ERMP1: variants seen among roughly 807,000 people sequenced by gnomAD.
The protein encoded by ERMP1 is endoplasmic reticulum metallopeptidase 1, also known as Felix-ina.
A neutral mutation model predicts 92.0 loss-of-function variants in ERMP1; 86 were observed. That is an observed-to-expected ratio of 0.93 (90% CI 0.79 to 1.12). ERMP1 has a LOEUF of 1.12. Among genes scored for constraint, ERMP1 ranks in the 50% most tolerant of loss-of-function variants. The pLI is 0.00. For synonymous variants in ERMP1, 530 were observed against 412.8 expected (o/e 1.28, Z -3.44); for missense variants, 1,342 against 1,116.3 (o/e 1.20, Z -2.88).
At chr9:5,853,868 G>C (rs1830339857) in intron 6 of ERMP1, among the ~76,000 whole-genome samples, 2 of 151,096 alleles carry the variant, frequency 1.3e-5, no homozygotes, top group Admixed American at 1.3e-4. Context: ...GAGACACCCT[G>C]AGTAGCACTG....
chr9:5,795,138 G>C (rs1467131763), intron 13 of ERMP1, among the ~76,000 whole-genome samples: 1 of 152,068 alleles, frequency 6.6e-6, no homozygotes, highest in Non-Finnish European at 1.5e-5. Flanking sequence ...GGCTAAGAAA[G>C]AAAAATCACA....
intron 6 of ERMP1, among the ~76,000 whole-genome samples, chr9:5,842,129 A>G (rs1379296330): frequency 2.0e-5 from 3 of 152,178 alleles, no homozygotes; most frequent in African/African-American, 4.8e-5. Context: ...AAGCCTCCAC[A>G]CAGTGCAAGG....
intron 4 of ERMP1, among the ~76,000 whole-genome samples, chr9:5,820,760 C>A (rs1410852308): frequency 6.6e-6 from 1 of 152,172 alleles, no homozygotes; most frequent in Non-Finnish European, 1.5e-5. Flanking sequence ...CTGAGGACAG[C>A]ACAATCTGGC....
intron 8 of ERMP1, among the ~76,000 whole-genome samples, chr9:5,807,925 A>T (rs1828930274): frequency 6.6e-6 from 1 of 152,070 alleles, no homozygotes; most frequent in Non-Finnish European, 1.5e-5. Flanking sequence ...CCCAAACGAA[A>T]CTGAGAGCTC....
chr9:5,837,782 A>C (rs1001748773), upstream of ERMP1, among the ~76,000 whole-genome samples: 2 of 152,212 alleles, frequency 1.3e-5, no homozygotes, highest in African/African-American at 4.8e-5. Flanking sequence ...ATGCATGTGA[A>C]AATGTGGACC....
intron 5 of ERMP1, 199 bp downstream of exon 5, chr9:5,812,690 A>G (rs1829141932): frequency 1.6e-6 from 1 of 626,120 alleles, no homozygotes; most frequent in African/African-American, 1.8e-5. Flanking sequence ...GAAAGATGAC[A>G]TATTTTAGAG....
rs1827931865 is a variant in ERMP1 at position 5,786,262 on chromosome 9, C to T, written c.*882G>A. 1 of 152,258 alleles carries T rather than the reference C, an allele frequency of 6.6e-6. No individual in the cohort carries two copies. The highest frequency in any genetic ancestry group is 1.5e-5 in the Non-Finnish European group (1 of 68,092). 9.4% of individuals were successfully genotyped at this position (152,258 alleles called of 1,614,324 possible). The stretch of plus-strand genomic sequence containing the variant: ...ATAAATATTTATAAAATTCCCACCA[C>T]TCCCAGCCTTCCTTCTACCCCAGAA... On this transcript the variant is annotated 3_prime_UTR_variant, in exon 15 of 15. Coordinates refer to ENST00000339450, the MANE Select transcript of ERMP1 (RefSeq NM_024896.3).
Position 5,830,893 on chromosome 9 carries a change from T to C in ERMP1, c.474A>G (p.Ser158=). The change falls in exon 2 of 15, where the codon TCA becomes TCG. Residue 158 remains serine, a synonymous_variant. Transcript: ENST00000339450. ...EVQSNSLHKI[S]VDVQRPTGSF... ...AGCCTGTGGGCCGTTGTACATCTAC[T>C]GAAATCTTATGAAGGCTGTTGCTTT... is the stretch of plus-strand genomic sequence containing the variant. 1 of 1,614,180 alleles carries C rather than the reference T, an allele frequency of 6.2e-7. No homozygotes were observed. Among genetic ancestry groups the C allele is most frequent in the Non-Finnish European group, 8.5e-7 (1 of 1,180,012 alleles).
chr9:5,812,329 G>A (rs1384050119), intron 5 of ERMP1, 112 bp from the exon 6 acceptor site: 10 of 613,406 alleles, frequency 1.6e-5, no homozygotes, highest in Non-Finnish European at 2.5e-5. Context: ...GCAGTGGCAC[G>A]ATTGCTTTGT....
intron 6 of ERMP1, among the ~76,000 whole-genome samples, chr9:5,839,458 G>A (rs1249698803): frequency 6.6e-6 from 1 of 152,202 alleles, no homozygotes; most frequent in Non-Finnish European, 1.5e-5. Context: ...TGGCAGGTGA[G>A]TTAGGACACA....
chr9:5,786,850 G>A lies in ERMP1; in HGVS notation c.*294C>T, dbSNP rs1028702. The A allele has an allele frequency of 0.28, 60,572 of 213,428 alleles. 9,705 individuals are homozygous for A. Among genetic ancestry groups the A allele is most frequent in the East Asian group, 0.52 (4,814 of 9,214 alleles). 13.2% of individuals were successfully genotyped at this position (213,428 alleles called of 1,614,324 possible). A position where few individuals can be genotyped will look rare whatever the true frequency, so the allele number is the denominator to read the frequency against. On this transcript the variant is annotated 3_prime_UTR_variant, in exon 15 of 15. Coordinates refer to ENST00000339450, the MANE Select transcript of ERMP1 (RefSeq NM_024896.3). ...ATCCTAAAGGGGCAGCTATTGAAGTGGATTGTTGGCTTTGTCCTTAAGGTC... is the reference window on the plus strand; with the variant it reads ...ATCCTAAAGGGGCAGCTATTGAAGTAGATTGTTGGCTTTGTCCTTAAGGTC...
intron 8 of ERMP1, among the ~76,000 whole-genome samples, chr9:5,808,613 T>G (rs544072435): frequency 1.3e-5 from 2 of 152,346 alleles, no homozygotes; most frequent in Non-Finnish European, 2.9e-5. Context: ...CAGGATAAAT[T>G]GAAAACAGTA....
chr9:5,830,286 G>C (rs1829889502), intron 2 of ERMP1, among the ~76,000 whole-genome samples: 1 of 152,144 alleles, frequency 6.6e-6, no homozygotes, highest in African/African-American at 2.4e-5. Flanking sequence ...GCAGCCAAAA[G>C]ATTGGACACC....
At chr9:5,815,742 T>G (rs535054489) in intron 4 of ERMP1, among the ~76,000 whole-genome samples, 10 of 151,962 alleles carry the variant, frequency 6.6e-5, no homozygotes, top group African/African-American at 2.2e-4. Context: ...AAGAAAGAAA[T>G]AGTAGAAAAA....
chr9:5,845,071 A>C (rs577051297), intron 6 of ERMP1, among the ~76,000 whole-genome samples: 16 of 151,338 alleles, frequency 1.1e-4, no homozygotes, highest in Admixed American at 3.9e-4. Flanking sequence ...TTTGAAACTT[A>C]AACTTGCATT....
chr9:5,849,170 G>T (rs528602892), intron 6 of ERMP1, among the ~76,000 whole-genome samples: 1 of 152,258 alleles, frequency 6.6e-6, no homozygotes, highest in South Asian at 2.1e-4. Flanking sequence ...CTATAGGCAT[G>T]TGCCACCACA....
At chr9:5,794,134 A>T (rs1004578283) in intron 13 of ERMP1, among the ~76,000 whole-genome samples, 2 of 152,154 alleles carry the variant, frequency 1.3e-5, no homozygotes, top group Non-Finnish European at 2.9e-5. Flanking sequence ...CAATTATCAG[A>T]AAAATAGCTG....
intron 2 of ERMP1, among the ~76,000 whole-genome samples, chr9:5,825,991 G>A (rs1296147182): frequency 3.3e-5 from 5 of 152,150 alleles, no homozygotes; most frequent in Non-Finnish European, 7.3e-5. Flanking sequence ...ATTACTGTTA[G>A]GTTTTTTTAG....
At chr9:5,834,743 G>GTGTGTGTA (rs969028907), upstream of ERMP1, among the ~76,000 whole-genome samples, 9 of 147,210 alleles carry the variant, frequency 6.1e-5, no homozygotes, top group African/African-American at 7.8e-5. Context: ...GTGTGTGTGT[G>GTGTGTGTA]TGTATGTCTG....
Sources: gnomAD v4.1 joint callset for allele counts (sites outside exome capture counted in the v4.1 genomes callset) on GRCh38, gnomAD v4.1.1 for gene constraint, MANE v1.5 for transcripts, NCBI Gene and HGNC (gene_info 2026-07-23, HGNC 2026-07-21) for gene names.